DIABLO: variants seen among roughly 807,000 people sequenced by gnomAD.
DIABLO encodes diablo homolog, mitochondrial.
DIABLO carries 32 observed loss-of-function variants against 31.7 expected under a neutral mutation model. That is an observed-to-expected ratio of 1.01 (90% CI 0.76 to 1.35). The LOEUF (loss-of-function observed/expected upper bound fraction) is 1.35, where lower values mean the gene tolerates loss of function less well. Ranked by LOEUF, DIABLO falls within the 40% of genes most tolerant of loss-of-function variation. DIABLO has a pLI of 0.00. For synonymous variants in DIABLO, 132 were observed against 103.2 expected (o/e 1.28, Z -1.69); for missense variants, 316 against 286.4 (o/e 1.10, Z -0.75).
chr12:122,208,730 C>T (rs1374142752), intron 5 of DIABLO, 153 bp from the exon 6 acceptor site: 3 of 769,176 alleles, frequency 3.9e-6, no homozygotes, highest in African/African-American at 3.4e-5. Flanking sequence ...AAAGAAACTT[C>T]CACCTCTATG....
In DIABLO at chr12:122,225,761, G is replaced by A. The variant is rs987409596; in HGVS notation, c.50+204C>T. The A allele has an allele frequency of 1.9e-5, 27 of 1,439,190 alleles. No homozygotes were observed. In the African/African-American group the frequency reaches 3.0e-4, roughly 16 times the overall value. 89.2% of individuals were successfully genotyped at this position (1,439,190 alleles called of 1,614,324 possible). ...GGGGACTCGTTTCTAGAAGATGGAC[G>A]AACTGAAAAGGAAGCCGGGCTTGAC... is the stretch of plus-strand genomic sequence containing the variant. On this transcript the variant is annotated intron_variant, in intron 1 of 5. Transcript: ENST00000464942.
upstream of DIABLO, among the ~76,000 whole-genome samples, chr12:122,226,897 T>G (rs976137249): frequency 2.6e-5 from 4 of 152,212 alleles, no homozygotes; most frequent in African/African-American, 9.6e-5. Context: ...TGAGTGCCGC[T>G]AATGCGCTGG....
chr12:122,210,894 C>T (rs946480442), intron 5 of DIABLO, among the ~76,000 whole-genome samples: 3 of 151,470 alleles, frequency 2.0e-5, no homozygotes, highest in Admixed American at 2.0e-4. Flanking sequence ...AAAAAATTAG[C>T]TGGGGCATGG....
chr12:122,224,351 A>T (rs1173675707), intron 2 of DIABLO, among the ~76,000 whole-genome samples, 161 bp downstream of exon 2: 3 of 152,124 alleles, frequency 2.0e-5, no homozygotes, highest in Admixed American at 1.3e-4. Context: ...CAAAATGAGA[A>T]TATTAATATA....
rs1954219475 is a variant in DIABLO, at chr12:122,216,687, C to T, written c.426+72G>A. The T allele has an allele frequency of 4.0e-5, 61 of 1,543,006 alleles. 1 individual carries two copies. In the South Asian group the frequency reaches 6.6e-4, roughly 17 times the overall value. ...GAGAACACTGATTATATTGATTAGA[C>T]TTAATTCAATAATTTAGATACCACA... On this transcript the variant is annotated intron_variant, in intron 4 of 5. Coordinates refer to ENST00000464942, the MANE Select transcript of DIABLO (RefSeq NM_001371333.1).
At chr12:122,213,788 T>C (rs1256305250) in intron 5 of DIABLO, among the ~76,000 whole-genome samples, 2 of 151,694 alleles carry the variant, frequency 1.3e-5, no homozygotes, top group African/African-American at 2.4e-5. Flanking sequence ...TTTCTCAGGA[T>C]CACTACTTTT....
intron 2 of DIABLO, among the ~76,000 whole-genome samples, chr12:122,220,039 G>A (rs1015156621): frequency 6.8e-6 from 1 of 147,122 alleles, no homozygotes; most frequent in Non-Finnish European, 1.5e-5. Flanking sequence ...CGCCTCCTGG[G>A]TTCAAGCGAT....
chr12:122,226,360 G>GT (rs1186268272), upstream of DIABLO: 3 of 534,092 alleles, frequency 5.6e-6, no homozygotes, highest in Non-Finnish European at 1.0e-5. Context: ...TTCCTGGTGA[G>GT]TTAGGGAGGC....
chr12:122,224,286 TTC>T (rs1183789148), intron 2 of DIABLO, among the ~76,000 whole-genome samples: 47 of 152,278 alleles, frequency 3.1e-4, no homozygotes, highest in Admixed American at 9.2e-4. Context: ...ATCCTCTTAT[TTC>T]TCTCTACTCG....
At chr12:122,225,797 G>A (rs936740766) in intron 1 of DIABLO, 168 bp downstream of exon 1, 45 of 1,464,284 alleles carry the variant, frequency 3.1e-5, no homozygotes, top group African/African-American at 2.5e-4. Flanking sequence ...CCAGGGGGCG[G>A]AGGCGGGGCT....
upstream of DIABLO, chr12:122,226,160 G>GA: frequency 8.1e-7 from 1 of 1,234,928 alleles, no homozygotes; most frequent in Non-Finnish European, 1.1e-6. Context: ...CAGGCAGGGG[G>GA]AAAGGGGGCG....
upstream of DIABLO, chr12:122,226,247 A>C (rs1954471927): frequency 1.4e-6 from 1 of 721,254 alleles, no homozygotes; most frequent in South Asian, 1.5e-5. Flanking sequence ...GGGCATATGC[A>C]GGGCCTGAGG....
At chr12:122,216,242 A>G (rs1413587096) in intron 5 of DIABLO, among the ~76,000 whole-genome samples, 17 of 152,244 alleles carry the variant, frequency 1.1e-4, no homozygotes. Flanking sequence ...TAATAGTTTT[A>G]TCATTTTTCA....
intron 4 of DIABLO, 84 bp from the exon 5 acceptor site, chr12:122,216,668 A>G: frequency 6.5e-7 from 1 of 1,549,382 alleles, no homozygotes; most frequent in Non-Finnish European, 8.9e-7. Flanking sequence ...TTTAGAGAAC[A>G]CTGATTATAT....
At chr12:122,208,682 G>A (rs1025291135) in intron 5 of DIABLO, 105 bp from the exon 6 acceptor site, 17 of 1,182,344 alleles carry the variant, frequency 1.4e-5, no homozygotes, top group Non-Finnish European at 2.1e-5. Context: ...ACCCCTCTTG[G>A]GGTCACTTTC....
Position 122,207,717 on chromosome 12 carries a change from C to G in DIABLO, c.*664G>C. The G allele has an allele frequency of 1.9e-6, 1 of 536,652 alleles. No homozygotes were observed. Among genetic ancestry groups the G allele is most frequent in the Non-Finnish European group, 3.6e-6 (1 of 281,122 alleles). 33.2% of individuals were successfully genotyped at this position (536,652 alleles called of 1,614,324 possible). A position where few individuals can be genotyped will look rare whatever the true frequency, so the allele number is the denominator to read the frequency against. ...TCAGATGCAAACAAAATCTTACACTCTTCTCCTTTGGATACAATAGAGAAA... is the reference window on the plus strand; with the variant it reads ...TCAGATGCAAACAAAATCTTACACTGTTCTCCTTTGGATACAATAGAGAAA... On this transcript the variant is annotated 3_prime_UTR_variant, in exon 6 of 6. Coordinates refer to ENST00000464942, the MANE Select transcript of DIABLO (RefSeq NM_001371333.1).
intron 5 of DIABLO, chr12:122,209,606 A>G (rs1954031721): frequency 3.3e-6 from 2 of 600,300 alleles, no homozygotes; most frequent in Admixed American, 2.7e-5. Context: ...CGGAGGTTGC[A>G]GTGAGCTGAG....
chr12:122,224,858 C>T (rs1433048181), intron 1 of DIABLO: 1 of 1,473,892 alleles, frequency 6.8e-7, no homozygotes, highest in East Asian at 2.7e-5. Flanking sequence ...AATCCTAGCA[C>T]TTGGAAGGCC....
chr12:122,224,485 G>A (rs539899665), intron 2 of DIABLO, 27 bp downstream of exon 2: 3 of 1,613,636 alleles, frequency 1.9e-6, no homozygotes, highest in Admixed American at 1.7e-5. Flanking sequence ...CGGTACACTA[G>A]ATAAGAATCA....
Sources: allele counts gnomAD v4.1 joint callset (sites outside exome capture counted in the v4.1 genomes callset), GRCh38; gene constraint gnomAD v4.1.1; transcripts MANE v1.5; gene names NCBI Gene and HGNC (gene_info 2026-07-23, HGNC 2026-07-21).